Variants in ST6GALNAC5 observed in about 807,000 individuals in gnomAD.
ST6GALNAC5 encodes ST6 N-acetylgalactosaminide alpha-2,6-sialyltransferase 5, also known as alpha-N-acetylgalactosaminide alpha-2,6-sialyltransferase 5.
Under a neutral mutation model 33.6 loss-of-function variants are expected in ST6GALNAC5, and 27 were observed. The ratio of observed to expected loss-of-function variants is 0.80; its 90% CI spans 0.59 to 1.11. The LOEUF is 1.11. ST6GALNAC5 is among the 50% of genes least tolerant of loss of function. The pLI is 0.00. For synonymous variants in ST6GALNAC5, 194 were observed against 171.2 expected, an observed-to-expected ratio of 1.13 and a Z score of -1.04; for missense variants, 428 against 454.0, an observed-to-expected ratio of 0.94 and a Z score of 0.52.
chr1:77,054,667 C>A (rs1476001952), intron 4 of ST6GALNAC5, among the ~76,000 whole-genome samples: 2 of 152,026 alleles, frequency 1.3e-5, no homozygotes, highest in Admixed American at 6.6e-5. Flanking sequence ...CTTGGGGGAG[C>A]AAACTGCCAA....
At chr1:76,970,077 A>G (rs897265209) in intron 2 of ST6GALNAC5, among the ~76,000 whole-genome samples, 10 of 152,112 alleles carry the variant, frequency 6.6e-5, no homozygotes, top group Non-Finnish European at 1.3e-4. Flanking sequence ...AAAGGTAGAG[A>G]AAACCAAAAA....
In ST6GALNAC5 at chr1:76,968,207, G is replaced by T. The variant is rs567826470; in HGVS notation, c.262-75997G>T. On this transcript the variant is annotated intron_variant, in intron 2 of 4. Coordinates refer to ENST00000477717, the MANE Select transcript of ST6GALNAC5 (RefSeq NM_030965.3). ...TGTTAAAGTCTCCCATTATTATTCT[G>T]CGGGAGTCTAAGTCCCTTTGTAGGT... 2.6e-4 allele frequency among the ~76,000 whole-genome samples: 40 copies of T among 152,234 alleles called. 1 individual carries two copies. Among genetic ancestry groups the T allele is most frequent in the Middle Eastern group, 3.4e-3 (1 of 294 alleles).
chr1:77,061,310 C>T (rs1485917520), intron 4 of ST6GALNAC5, among the ~76,000 whole-genome samples: 1 of 152,150 alleles, frequency 6.6e-6, no homozygotes, highest in Non-Finnish European at 1.5e-5. Flanking sequence ...AGAGGAGAAA[C>T]AGCTCAAAGG....
intron 2 of ST6GALNAC5, among the ~76,000 whole-genome samples, chr1:76,933,686 C>T (rs1403943621): frequency 1.4e-5 from 2 of 142,636 alleles, no homozygotes; most frequent in Non-Finnish European, 3.0e-5. Context: ...AAATAACTAT[C>T]TTCTGTGAAC....
intron 2 of ST6GALNAC5, among the ~76,000 whole-genome samples, chr1:77,035,613 T>C (rs1411356651): frequency 6.6e-6 from 1 of 152,030 alleles, no homozygotes; most frequent in Non-Finnish European, 1.5e-5. Context: ...GGGTGGAGGG[T>C]GGGGCATAGT....
intron 2 of ST6GALNAC5, among the ~76,000 whole-genome samples, chr1:76,893,077 T>C (rs1654047983): frequency 6.6e-6 from 1 of 152,158 alleles, no homozygotes. Context: ...ACTCTTTAAT[T>C]TAACCCCGTC....
chr1:77,028,616 T>C (rs1220345384), intron 2 of ST6GALNAC5, among the ~76,000 whole-genome samples: 1 of 152,200 alleles, frequency 6.6e-6, no homozygotes, highest in Admixed American at 6.5e-5. Flanking sequence ...CCCAATGAAG[T>C]GACACACAAA....
At chr1:77,062,693 A>G (rs920384652) in intron 4 of ST6GALNAC5, among the ~76,000 whole-genome samples, 2 of 152,130 alleles carry the variant, frequency 1.3e-5, no homozygotes, top group Admixed American at 1.3e-4. Flanking sequence ...AAACAATACT[A>G]TTGTTGTGAC....
intron 2 of ST6GALNAC5, among the ~76,000 whole-genome samples, chr1:76,948,193 T>C (rs1647597923): frequency 6.6e-6 from 1 of 152,152 alleles, no homozygotes; most frequent in South Asian, 2.1e-4. Flanking sequence ...TAGAAGTGCC[T>C]TGTGAAACCC....
chr1:76,991,834 T>A (rs1433105786), intron 2 of ST6GALNAC5, among the ~76,000 whole-genome samples: 1 of 121,506 alleles, frequency 8.2e-6, no homozygotes, highest in Non-Finnish European at 1.6e-5. Flanking sequence ...AACTCACGCG[T>A]GTGCGCACAC....
chr1:77,024,989 C>A (rs183793494), intron 2 of ST6GALNAC5, among the ~76,000 whole-genome samples: 228 of 152,320 alleles, frequency 1.5e-3, no homozygotes, highest in African/African-American at 5.2e-3. Flanking sequence ...CCTTCCCCCG[C>A]TCCAGGCTCT....
chr1:76,899,954 G>A (rs567270509), intron 2 of ST6GALNAC5, among the ~76,000 whole-genome samples: 7 of 152,276 alleles, frequency 4.6e-5, no homozygotes, highest in South Asian at 2.1e-4. Context: ...GAGGTCCCCC[G>A]ATCCAAGTCA....
chr1:76,980,580 A>G (rs1202038849), intron 2 of ST6GALNAC5, among the ~76,000 whole-genome samples: 2 of 152,192 alleles, frequency 1.3e-5, no homozygotes, highest in African/African-American at 4.8e-5. Context: ...TGGATGTGTC[A>G]AAAACAGAAA....
At chr1:77,013,901 GCA>G (rs576066683) in intron 2 of ST6GALNAC5, among the ~76,000 whole-genome samples, 86 of 152,302 alleles carry the variant, frequency 5.6e-4, no homozygotes, top group African/African-American at 2.1e-3. Flanking sequence ...GGGAAATGAT[GCA>G]CAGTTTGCTG....
At chr1:76,962,494 A>G (rs892128793) in intron 2 of ST6GALNAC5, among the ~76,000 whole-genome samples, 1 of 152,202 alleles carries the variant, frequency 6.6e-6, no homozygotes, top group African/African-American at 2.4e-5. Context: ...TATTTACACA[A>G]TGCAGATCCT....
Position 76,867,679 on chromosome 1 carries a change from A to T in ST6GALNAC5, c.4A>T (p.Lys2Ter). The T allele has an allele frequency of 6.2e-7, 1 of 1,614,130 alleles. No homozygotes were observed. Among genetic ancestry groups the T allele is most frequent in the Non-Finnish European group, 8.5e-7 (1 of 1,180,020 alleles). Residue 2 changes from lysine to a stop codon, truncating the protein, a stop_gained, in exon 1 of 5, where the codon AAG becomes TAG. Transcript: ENST00000477717. LOFTEE classifies it high-confidence loss of function. M[K>*]TLMRHGLAVC... is the part of the protein sequence containing the mutation. ...CTGCACAAAAGAGGTGCCCAAAATG[A>T]AGACCCTGATGGTGAGTCAGTTGTG... is the stretch of plus-strand genomic sequence containing the variant.
intron 2 of ST6GALNAC5, among the ~76,000 whole-genome samples, chr1:76,880,123 C>T (rs1001917079): frequency 6.6e-6 from 1 of 152,174 alleles, no homozygotes; most frequent in African/African-American, 2.4e-5. Context: ...TAGGACCAAC[C>T]AGCTTCATTA....
chr1:76,967,826 C>T (rs1557740596), intron 2 of ST6GALNAC5, among the ~76,000 whole-genome samples: 2 of 152,158 alleles, frequency 1.3e-5, no homozygotes, highest in Non-Finnish European at 2.9e-5. Context: ...TTTCTGCCTT[C>T]ATTTCATTAT....
chr1:76,905,342 A>G (rs1338207829), intron 2 of ST6GALNAC5, among the ~76,000 whole-genome samples: 1 of 152,168 alleles, frequency 6.6e-6, no homozygotes, highest in African/African-American at 2.4e-5. Context: ...TTGTCTTGGA[A>G]GCAAACTGTC....
Sources: allele counts gnomAD v4.1 joint callset (sites outside exome capture counted in the v4.1 genomes callset), GRCh38; gene constraint gnomAD v4.1.1; transcripts MANE v1.5; gene names NCBI Gene and HGNC (gene_info 2026-07-23, HGNC 2026-07-21).